Variants in IGF1R observed in about 807,000 individuals in gnomAD.
The protein encoded by IGF1R is insulin like growth factor 1 receptor.
In IGF1R, 44 loss-of-function variants were observed where a neutral mutation model predicts 144.6. The observed-to-expected ratio is 0.30, with a 90% CI of 0.24 to 0.39. IGF1R has a LOEUF of 0.39. Among genes scored for constraint, IGF1R ranks in the 10% least tolerant of loss-of-function variants. IGF1R has a pLI of 1.00. For missense variants in IGF1R, 1,355 were observed against 1,833.7 expected (o/e 0.74, Z 4.77); for synonymous variants, 795 against 722.8 (o/e 1.10, Z -1.60).
rs572644792 is a variant in IGF1R, at chr15:98,926,611, C to G, written c.2782+1927C>G. Among the ~76,000 whole-genome samples the G allele has an allele frequency of 2.6e-5, 4 of 152,218 alleles. 1 individual carries two copies. Among genetic ancestry groups the G allele is most frequent in the African/African-American group, 9.6e-5 (4 of 41,526 alleles). ...AAAATTAATTAATTTTAAAAAAGAT[C>G]TCCAGTAGTCACCTGGTCAGCACCA... On this transcript the variant is annotated intron_variant, in intron 13 of 20. Transcript: ENST00000650285.
intron 2 of IGF1R, among the ~76,000 whole-genome samples, chr15:98,824,575 G>A (rs1349621272): frequency 6.6e-6 from 1 of 152,194 alleles, no homozygotes; most frequent in Non-Finnish European, 1.5e-5. Context: ...TTATCTTCTT[G>A]CTGCTTTCCA....
chr15:98,655,958 G>C (rs759592949), intron 1 of IGF1R, among the ~76,000 whole-genome samples: 9 of 152,214 alleles, frequency 5.9e-5, no homozygotes, highest in Non-Finnish European at 1.2e-4. Context: ...CTCCCGGAGG[G>C]CTGGGATCAC....
intron 1 of IGF1R, among the ~76,000 whole-genome samples, chr15:98,697,979 C>A (rs539471567): frequency 1.3e-5 from 2 of 150,296 alleles, no homozygotes; most frequent in Non-Finnish European, 3.0e-5. Context: ...AAGTGATCCC[C>A]CTGCTTCGGC....
chr15:98,876,978 T>A (rs2013092172), intron 2 of IGF1R, among the ~76,000 whole-genome samples: 1 of 152,212 alleles, frequency 6.6e-6, no homozygotes, highest in South Asian at 2.1e-4. Flanking sequence ...GTGTAGCATT[T>A]AAGCATAATG....
chr15:98,728,018 T>TTC (rs960246431), intron 2 of IGF1R, among the ~76,000 whole-genome samples: 1 of 150,750 alleles, frequency 6.6e-6, no homozygotes, highest in South Asian at 2.1e-4. Context: ...TTTTTTTTTT[T>TTC]TTTTTTTTTT....
At chr15:98,835,030 C>T (rs1286229754) in intron 2 of IGF1R, among the ~76,000 whole-genome samples, 1 of 151,482 alleles carries the variant, frequency 6.6e-6, no homozygotes, top group Non-Finnish European at 1.5e-5. Flanking sequence ...GATCCTTTGT[C>T]AGTAGTAACT....
chr15:98,944,316 G>A (rs939584010), intron 19 of IGF1R, among the ~76,000 whole-genome samples: 5 of 152,174 alleles, frequency 3.3e-5, no homozygotes, highest in African/African-American at 1.2e-4. Context: ...ACAACAAAGG[G>A]ACCTAGAGTG....
chr15:98,922,618 T>C (rs1159675893), intron 11 of IGF1R, among the ~76,000 whole-genome samples, 187 bp downstream of exon 11: 3 of 152,206 alleles, frequency 2.0e-5, no homozygotes, highest in African/African-American at 7.2e-5. Context: ...GCCCACGCTC[T>C]CCTAGTGACA....
intron 2 of IGF1R, among the ~76,000 whole-genome samples, chr15:98,742,073 C>A (rs2054758424): frequency 6.6e-6 from 1 of 152,182 alleles, no homozygotes; most frequent in Non-Finnish European, 1.5e-5. Context: ...ATTGGTCTGT[C>A]CCTGCTAAGC....
intron 2 of IGF1R, among the ~76,000 whole-genome samples, chr15:98,785,909 CTGGAGCACAATG>C (rs146207621): frequency 0.013 from 1,976 of 152,252 alleles, 44 homozygotes; most frequent in African/African-American, 0.044. Flanking sequence ...TGACCACTAG[CTGGAGCACAATG>C]TGGGCTCGGT....
chr15:98,799,841 G>C (rs1308419363), intron 2 of IGF1R, among the ~76,000 whole-genome samples: 1 of 152,128 alleles, frequency 6.6e-6, no homozygotes, highest in Non-Finnish European at 1.5e-5. Context: ...CTTGTGTTTT[G>C]CAAGAGTTGA....
intron 1 of IGF1R, among the ~76,000 whole-genome samples, chr15:98,692,819 T>C (rs2053508529): frequency 6.6e-6 from 1 of 152,198 alleles, no homozygotes; most frequent in Non-Finnish European, 1.5e-5. Flanking sequence ...TAAGAGCTGC[T>C]TGATGGTATG....
rs78095112 is a variant in IGF1R, at chr15:98,910,601, G to C, written c.1463-714G>C. On this transcript the variant is annotated intron_variant, in intron 6 of 20. Transcript: ENST00000650285. ...CATCAGTCTTTCCCTGGTCCTTATC[G>C]TAGTTTGAATTTGGTCCAAGGAATA... Among the ~76,000 whole-genome samples, 493 of 152,286 alleles carry C rather than the reference G, an allele frequency of 3.2e-3. 1 individual carries two copies. Among genetic ancestry groups the C allele is most frequent in the African/African-American group, 0.012 (479 of 41,558 alleles).
In IGF1R at chr15:98,922,257, C is replaced by G. The variant is rs745532147; in HGVS notation, c.2311C>G (p.Leu771Val). ...DTYNITDPEELETEYPFFESR... is the reference protein window; with the variant it reads ...DTYNITDPEEVETEYPFFESR... ...CTACAACATCACCGACCCGGAAGAG[C>G]TGGAGACAGAGTACCCTTTCTTTGA... The change falls in exon 11 of 21, where the codon CTG (leucine) becomes GTG (valine). Residue 771 changes from leucine (L) to valine (V), a missense_variant. Transcript: ENST00000650285. The G allele has an allele frequency of 1.9e-6, 3 of 1,614,174 alleles. No individual in the cohort carries two copies. In the South Asian group the frequency reaches 3.3e-5, roughly 18 times the overall value.
chr15:98,735,183 G>T (rs548391817), intron 2 of IGF1R, among the ~76,000 whole-genome samples: 1 of 152,280 alleles, frequency 6.6e-6, no homozygotes, highest in East Asian at 1.9e-4. Flanking sequence ...AGTCCAGGTA[G>T]GGTTTTATGT....
At chr15:98,899,420 A>G in intron 4 of IGF1R, 57 bp from the exon 5 acceptor site, 1 of 1,574,366 alleles carries the variant, frequency 6.4e-7, no homozygotes, top group Non-Finnish European at 8.7e-7. Flanking sequence ...TAAGAATCCA[A>G]GTATGTCACC....
chr15:98,960,678 T>TGCA lies in IGF1R; in HGVS notation c.*3245_*3247dup, dbSNP rs1282710293. ...CATTCATTGAGCACAAAGGTGCAGC[T>TGCA]GCAGCAGCAGCTGGAGAGCAAGAGT... is the stretch of plus-strand genomic sequence containing the variant. On this transcript the variant is annotated 3_prime_UTR_variant, in exon 21 of 21. Coordinates refer to ENST00000650285, the MANE Select transcript of IGF1R (RefSeq NM_000875.5). 1 of 233,240 alleles carries TGCA rather than the reference T, an allele frequency of 4.3e-6. No individual in the cohort carries two copies. The highest frequency in any genetic ancestry group is 8.5e-6 in the Non-Finnish European group (1 of 118,120). 14.4% of individuals were successfully genotyped at this position (233,240 alleles called of 1,614,324 possible).
intron 1 of IGF1R, among the ~76,000 whole-genome samples, chr15:98,683,946 C>T (rs2053256388): frequency 6.6e-6 from 1 of 152,200 alleles, no homozygotes; most frequent in South Asian, 2.1e-4. Flanking sequence ...ACCTGGCGGG[C>T]GTAGATCTTT....
At chr15:98,759,872 T>C (rs1300160545) in intron 2 of IGF1R, among the ~76,000 whole-genome samples, 1 of 152,220 alleles carries the variant, frequency 6.6e-6, no homozygotes, top group Non-Finnish European at 1.5e-5. Flanking sequence ...TTTATTTTGC[T>C]AGTTTTTAAT....
Sources: gnomAD v4.1 joint callset for allele counts (sites outside exome capture counted in the v4.1 genomes callset) on GRCh38, gnomAD v4.1.1 for gene constraint, MANE v1.5 for transcripts, NCBI Gene and HGNC (gene_info 2026-07-23, HGNC 2026-07-21) for gene names.